Variants in ABCG2 observed in about 807,000 individuals in gnomAD.
ABCG2 encodes broad substrate specificity ATP-binding cassette transporter ABCG2.
ABCG2 carries 80 observed loss-of-function variants against 73.5 expected under a neutral mutation model. That is an observed-to-expected ratio of 1.09 (90% CI 0.91 to 1.31). The LOEUF (loss-of-function observed/expected upper bound fraction) is 1.31. ABCG2 is among the 50% of genes most tolerant of loss of function. The pLI, the probability that ABCG2 is intolerant of heterozygous loss-of-function variation, is 0.00. For missense variants in ABCG2, 796 were observed against 786.2 expected, an observed-to-expected ratio of 1.01 and a Z score of -0.15; for synonymous variants, 269 against 282.4, an observed-to-expected ratio of 0.95 and a Z score of 0.48.
chr4:88,131,502 C>T (rs768457463), intron 4 of ABCG2, among the ~76,000 whole-genome samples: 4 of 152,076 alleles, frequency 2.6e-5, no homozygotes, highest in Non-Finnish European at 4.4e-5. Flanking sequence ...GCCAAAATAT[C>T]TTTCTAAGCT....
intron 1 of ABCG2, among the ~76,000 whole-genome samples, chr4:88,211,357 T>TTCC (rs1560460419): frequency 1.3e-3 from 25 of 18,882 alleles, no homozygotes; most frequent in Non-Finnish European, 2.2e-3. Flanking sequence ...GTTCAACCCC[T>TTCC]GCCCCACCCC....
Position 88,128,679 on chromosome 4 carries a change from C to T in ABCG2, c.531+2382G>A, listed in dbSNP as rs572395757. ...AGCAAACTAACACAGGAACAGAAAA[C>T]GAAACACTGCATGTTCTCACTCATA... On this transcript the variant is annotated intron_variant, in intron 5 of 15. Coordinates refer to ENST00000237612, the MANE Select transcript of ABCG2 (RefSeq NM_004827.3). Among the ~76,000 whole-genome samples, 9 of 152,142 alleles carry T rather than the reference C, an allele frequency of 5.9e-5. No individual in the cohort carries two copies. The Middle Eastern group carries it at 0.01, about 172-fold the overall frequency.
At chr4:88,206,803 C>T (rs1018323004) in intron 1 of ABCG2, among the ~76,000 whole-genome samples, 2 of 152,134 alleles carry the variant, frequency 1.3e-5, no homozygotes, top group African/African-American at 2.4e-5. Context: ...AACAACAAAC[C>T]CAATAGTCCC....
At chr4:88,129,692 A>C (rs1724712031) in intron 5 of ABCG2, among the ~76,000 whole-genome samples, 2 of 152,232 alleles carry the variant, frequency 1.3e-5, no homozygotes, top group South Asian at 4.1e-4. Flanking sequence ...TGAAGTATAC[A>C]CCATTAGAAC....
In ABCG2 at chr4:88,149,184, C is replaced by A. The variant is rs528332095; in HGVS notation, c.-19-9170G>T. 2.6e-5 allele frequency among the ~76,000 whole-genome samples: 4 copies of A among 152,098 alleles called. No individual in the cohort carries two copies. In the South Asian group the frequency reaches 8.3e-4, roughly 32 times the overall value. Reference sequence around the variant, plus strand: ...TGAGTCAAGATCACGCCACTATACTCCCGTCTGGGTGAGAGCAAGATCCTT... The same window carrying A: ...TGAGTCAAGATCACGCCACTATACTACCGTCTGGGTGAGAGCAAGATCCTT... On this transcript the variant is annotated intron_variant, in intron 1 of 15. Coordinates refer to ENST00000237612, the MANE Select transcript of ABCG2 (RefSeq NM_004827.3).
rs988907466 is a variant in ABCG2, at chr4:88,095,727, T to C, written c.1648-118A>G. 134 of 755,644 alleles carry C rather than the reference T, an allele frequency of 1.8e-4. No individual in the cohort carries two copies. In the Middle Eastern group the frequency reaches 2.0e-3, roughly 11 times the overall value. The allele number at this position is 755,644 out of a possible 1,614,324, so 46.8% of individuals were successfully genotyped here. ...AGTATTTCTTTTAAAACCAACTCTT[T>C]CTTGAAGTTCTCTCCACTTACTCAA... On this transcript the variant is annotated intron_variant, in intron 13 of 15. Transcript: ENST00000237612.
intron 1 of ABCG2, among the ~76,000 whole-genome samples, chr4:88,206,785 A>G (rs1461086200): frequency 2.0e-5 from 3 of 152,232 alleles, no homozygotes; most frequent in South Asian, 4.1e-4. Flanking sequence ...CTTAACATTT[A>G]TTCTTGAAAC....
At chr4:88,220,385 A>G (rs1234608631) in intron 1 of ABCG2, among the ~76,000 whole-genome samples, 2 of 152,222 alleles carry the variant, frequency 1.3e-5, no homozygotes, top group African/African-American at 2.4e-5. Context: ...AGGAAGCACC[A>G]TACTGTTCTC....
chr4:88,200,820 T>C (rs1729130575), intron 1 of ABCG2, among the ~76,000 whole-genome samples: 1 of 152,158 alleles, frequency 6.6e-6, no homozygotes, highest in South Asian at 2.1e-4. Flanking sequence ...CCTATTTTTC[T>C]TATTCTTAAT....
chr4:88,202,354 T>TATATATATA (rs1553945717), intron 1 of ABCG2, among the ~76,000 whole-genome samples: 2,418 of 61,990 alleles, frequency 0.039, 652 homozygotes, highest in Non-Finnish European at 0.046. Flanking sequence ...CTACAATTAT[T>TATATATATA]TATATATATA....
At chr4:88,165,049 G>A (rs1371386749) in intron 1 of ABCG2, among the ~76,000 whole-genome samples, 2 of 152,166 alleles carry the variant, frequency 1.3e-5, no homozygotes, top group East Asian at 1.9e-4. Context: ...AAAGTGCTGG[G>A]ATTATAGGTG....
chr4:88,128,624 A>T (rs1313216761), intron 5 of ABCG2, among the ~76,000 whole-genome samples: 2 of 152,176 alleles, frequency 1.3e-5, no homozygotes, highest in East Asian at 3.8e-4. Flanking sequence ...CTTTGCAGGG[A>T]CATGGATGAA....
At chr4:88,150,624 A>C (rs1168199579) in intron 1 of ABCG2, among the ~76,000 whole-genome samples, 1 of 152,214 alleles carries the variant, frequency 6.6e-6, no homozygotes, top group Non-Finnish European at 1.5e-5. Flanking sequence ...CTTGGGCCAC[A>C]TATAAAACAC....
At chr4:88,182,828 G>A (rs533656139) in intron 1 of ABCG2, among the ~76,000 whole-genome samples, 7 of 152,114 alleles carry the variant, frequency 4.6e-5, no homozygotes, top group African/African-American at 1.7e-4. Context: ...GCTCACGCCT[G>A]TAATCCTAGC....
intron 1 of ABCG2, among the ~76,000 whole-genome samples, chr4:88,213,598 G>GTATATATATGTATATATATGTGTGTGAA (rs1489178211): frequency 2.6e-4 from 40 of 151,508 alleles, no homozygotes; most frequent in Non-Finnish European, 2.9e-5. Context: ...CTATATCATT[G>GTATATATATGTATATATATGTGTGTGAA]TATATATATG....
chr4:88,120,792 A>G (rs1723915024), intron 6 of ABCG2, among the ~76,000 whole-genome samples: 1 of 152,098 alleles, frequency 6.6e-6, no homozygotes, highest in Non-Finnish European at 1.5e-5. Flanking sequence ...TGAGTTAATG[A>G]TGAAATGAGT....
intron 2 of ABCG2, among the ~76,000 whole-genome samples, chr4:88,138,456 T>G (rs573688634): frequency 6.6e-6 from 1 of 152,306 alleles, no homozygotes; most frequent in East Asian, 1.9e-4. Context: ...GTTCTAGAAG[T>G]GAAATTACAA....
chr4:88,144,449 C>CTTTTTT (rs59434855), intron 1 of ABCG2, among the ~76,000 whole-genome samples: 60 of 77,578 alleles, frequency 7.7e-4, no homozygotes, highest in Non-Finnish European at 9.2e-4. Context: ...CACATTTTTA[C>CTTTTTT]TTTTTTTTTT....
intron 1 of ABCG2, among the ~76,000 whole-genome samples, chr4:88,211,660 G>A (rs1407250582): frequency 1.3e-5 from 2 of 152,080 alleles, no homozygotes; most frequent in East Asian, 3.9e-4. Flanking sequence ...CACGTGATCC[G>A]CTTACCTTTG....
Sources: allele counts gnomAD v4.1 joint callset (sites outside exome capture counted in the v4.1 genomes callset), GRCh38; gene constraint gnomAD v4.1.1; transcripts MANE v1.5; gene names NCBI Gene and HGNC (gene_info 2026-07-23, HGNC 2026-07-21).